Variants in NCAN observed in about 807,000 individuals in gnomAD.
NCAN encodes the protein neurocan core protein.
In NCAN, 47 loss-of-function variants were observed where a neutral mutation model predicts 121.8. The ratio of observed to expected loss-of-function variants is 0.39; its 90% CI spans 0.31 to 0.49. The LOEUF (loss-of-function observed/expected upper bound fraction) is 0.49. Ranked by LOEUF, NCAN falls within the 20% of genes least tolerant of loss-of-function variation. The probability of loss-of-function intolerance (pLI) is 0.92; values close to 1 mark genes in which losing one functional copy is unlikely to be tolerated. For missense variants in NCAN, 1,517 were observed against 1,773.4 expected (o/e 0.86, Z 2.60); for synonymous variants, 633 against 702.0 (o/e 0.90, Z 1.55).
At chr19:19,213,556 C>T (rs953197231) in intron 1 of NCAN, among the ~76,000 whole-genome samples, 2 of 150,552 alleles carry the variant, frequency 1.3e-5, no homozygotes, top group Non-Finnish European at 3.0e-5. Context: ...GCAGAAGACA[C>T]GCCGCCTGTC....
rs183068740 is a variant in NCAN at position 19,222,204 on chromosome 19, A to G, written c.476-1817A>G. 2.0e-5 allele frequency among the ~76,000 whole-genome samples: 3 copies of G among 152,244 alleles called. No homozygotes were observed. In the East Asian group the frequency reaches 5.8e-4, roughly 29 times the overall value. On this transcript the variant is annotated intron_variant, in intron 3 of 14. Transcript: ENST00000252575. ...AAATTGATAAAAGCTAACAACAACA[A>G]CAACAACAAACTGATTGGTGGTGAG...
rs538691030 is a variant in NCAN at position 19,215,648 on chromosome 19, C to T, written c.-7-1299C>T. Among the ~76,000 whole-genome samples the T allele has an allele frequency of 1.5e-3, 229 of 152,252 alleles. 1 individual carries two copies. The highest frequency in any genetic ancestry group is 1.8e-3 in the Non-Finnish European group (123 of 68,010). On this transcript the variant is annotated intron_variant, in intron 1 of 14. Coordinates refer to ENST00000252575, the MANE Select transcript of NCAN (RefSeq NM_004386.3). ...GCCCCTTCCTCCAGCTGGGAGTTGGCGGCTCCTCCAAAATCCCAGAAACCA... is the reference window on the plus strand; with the variant it reads ...GCCCCTTCCTCCAGCTGGGAGTTGGTGGCTCCTCCAAAATCCCAGAAACCA...
chr19:19,237,287 C>A (rs563974351), intron 10 of NCAN, among the ~76,000 whole-genome samples: 2 of 152,144 alleles, frequency 1.3e-5, no homozygotes, highest in East Asian at 3.9e-4. Context: ...GTCAGGAGAT[C>A]AAGACCATCC....
chr19:19,214,965 T>C (rs1488131650), intron 1 of NCAN, among the ~76,000 whole-genome samples: 1 of 151,960 alleles, frequency 6.6e-6, no homozygotes, highest in Non-Finnish European at 1.5e-5. Flanking sequence ...GGTTTACAAG[T>C]TGGTAGTTGG....
At position 19,228,463 on chromosome 19, in the gene NCAN, A is replaced by G; in HGVS notation, c.2843A>G (p.Glu948Gly). 6.2e-7 allele frequency: 1 copy of G among 1,613,472 alleles called. No individual in the cohort carries two copies. The highest frequency in any genetic ancestry group is 8.5e-7 in the Non-Finnish European group (1 of 1,179,994). ...GAGTCTGCCTCAGTTTCCTCAGGGG[A>G]GCCTACGGTACCGTGGGACCCCTCC... ...VGESASVSSGEPTVPWDPSST... is the reference protein window; with the variant it reads ...VGESASVSSGGPTVPWDPSST... The change falls in exon 8 of 15, where the codon GAG (glutamate) becomes GGG (glycine). Residue 948 changes from glutamate (E) to glycine (G), a missense_variant. Transcript: ENST00000252575.
At chr19:19,223,300 G>A (rs1440833426) in intron 3 of NCAN, among the ~76,000 whole-genome samples, 1 of 152,202 alleles carries the variant, frequency 6.6e-6, no homozygotes, top group East Asian at 1.9e-4. Flanking sequence ...CATGAAGAGT[G>A]CTATCTTTGG....
intron 10 of NCAN, among the ~76,000 whole-genome samples, chr19:19,238,041 C>CA (rs1215432970): frequency 2.3e-3 from 327 of 140,472 alleles, no homozygotes; most frequent in African/African-American, 7.6e-3. Context: ...AGACCCTGTC[C>CA]AAAAAAAAAA....
intron 3 of NCAN, 36 bp downstream of exon 3, chr19:19,219,352 G>A: frequency 2.1e-6 from 3 of 1,462,850 alleles, no homozygotes; most frequent in Non-Finnish European, 2.7e-6. Context: ...GGGGGCCGGG[G>A]AGAGGGAGGG....
Position 19,250,053 on chromosome 19 carries a change from T to C in NCAN, c.*142T>C. On this transcript the variant is annotated 3_prime_UTR_variant, in exon 15 of 15. Coordinates refer to ENST00000252575, the MANE Select transcript of NCAN (RefSeq NM_004386.3). ...CATCCCCCACACACATAATCCTTTG[T>C]ACAAAGCTCCTCTTTTCCCTTTTTT... 4 of 907,198 alleles carry C rather than the reference T, an allele frequency of 4.4e-6. No individual in the cohort carries two copies. The highest frequency in any genetic ancestry group is 7.1e-6 in the Non-Finnish European group (4 of 565,564). 56.2% of individuals were successfully genotyped at this position (907,198 alleles called of 1,614,324 possible).
chr19:19,245,297 C>T lies in NCAN; in HGVS notation c.3493-16C>T, dbSNP rs931506678. 3.2e-5 allele frequency: 51 copies of T among 1,612,912 alleles called. 1 individual carries two copies. The highest frequency in any genetic ancestry group is 4.2e-5 in the Non-Finnish European group (49 of 1,179,372). ...CAGAGGTCCCCTGAACAACTCCCTG[C>T]CCCCTATTCCTGCAGCAATTTGAGA... On this transcript the variant is annotated splice_polypyrimidine_tract_variant and intron_variant, in intron 12 of 14. Coordinates refer to ENST00000252575, the MANE Select transcript of NCAN (RefSeq NM_004386.3).
rs376145430 is a variant in NCAN at position 19,238,363 on chromosome 19, G to A, written c.3361G>A (p.Gly1121Ser). ...DAEKDCRRRS[G>S]HLTSVHSPEE... ...CGAGAAGGACTGCCGCCGCCGCTCC[G>A]GCCACCTGACCAGCGTCCACTCACC... The change falls in exon 11 of 15, where the codon GGC becomes AGC. Residue 1121 changes from glycine (G) to serine (S), a missense_variant. Coordinates refer to ENST00000252575, the MANE Select transcript of NCAN (RefSeq NM_004386.3). 43 of 1,614,178 alleles carry A rather than the reference G, an allele frequency of 2.7e-5. No individual in the cohort carries two copies. The highest frequency in any genetic ancestry group is 5.0e-5 in the Admixed American group (3 of 60,018).
rs574691719 is a variant in NCAN, at chr19:19,236,452, TAAG to T, written c.3250+1357_3250+1359del. Among the ~76,000 whole-genome samples, 454 of 152,330 alleles carry T rather than the reference TAAG, an allele frequency of 3.0e-3. 1 individual carries two copies. Among genetic ancestry groups the T allele is most frequent in the Middle Eastern group, 0.024 (7 of 292 alleles). On this transcript the variant is annotated intron_variant, in intron 10 of 14. Coordinates refer to ENST00000252575, the MANE Select transcript of NCAN (RefSeq NM_004386.3). ...TATTTGGGTTGTTTCCTCCAGAGGC[TAAG>T]GTCAATAGTGCTGCTGTGAATATAT...
At chr19:19,242,956 G>A (rs1053846516) in intron 12 of NCAN, among the ~76,000 whole-genome samples, 4 of 151,910 alleles carry the variant, frequency 2.6e-5, no homozygotes, top group South Asian at 2.1e-4. Context: ...GCAACATGGC[G>A]AAACCCCATC....
intron 14 of NCAN, 150 bp downstream of exon 14, chr19:19,249,032 A>T: frequency 2.8e-6 from 2 of 725,824 alleles, no homozygotes; most frequent in Non-Finnish European, 4.5e-6. Flanking sequence ...AGCCTGTCTG[A>T]TGTTTCCTTC....
In NCAN at chr19:19,226,892, G is replaced by C; in HGVS notation, c.1479G>C (p.Gln493His). 6.2e-7 allele frequency: 1 copy of C among 1,609,866 alleles called. No individual in the cohort carries two copies. The highest frequency in any genetic ancestry group is 8.5e-7 in the Non-Finnish European group (1 of 1,177,784). The change falls in exon 7 of 15, where the codon CAG becomes CAC. Residue 493 changes from glutamine (Q) to histidine (H), a missense_variant. By Grantham distance (24) the Gln-to-His change is conservative. Transcript: ENST00000252575. ...FKGLNGRYFQ[Q>H]QEPEPGLQGG... The stretch of plus-strand genomic sequence containing the variant: ...GGTTGAATGGGCGCTACTTCCAGCA[G>C]CAGGAACCGGAGCCGGGGCTGCAAG...
At chr19:19,248,158 A>G (rs1445920012) in intron 13 of NCAN, among the ~76,000 whole-genome samples, 3 of 151,786 alleles carry the variant, frequency 2.0e-5, no homozygotes, top group South Asian at 4.2e-4. Context: ...AAAAACAACA[A>G]TAAGAGCCAG....
rs6511025 is a variant in NCAN at position 19,250,452 on chromosome 19, C to T, written c.*541C>T. ...CCCTGGACTTCAGCCCAAGTTCCGT[C>T]TTTGGTCTTGGTGGATAAACACACA... On this transcript the variant is annotated 3_prime_UTR_variant, in exon 15 of 15. Transcript: ENST00000252575. The T allele has an allele frequency of 4.0e-3, 1,242 of 313,904 alleles. 18 individuals carry two copies. The highest frequency in any genetic ancestry group is 0.024 in the African/African-American group (1,121 of 46,116). 19.4% of individuals were successfully genotyped at this position (313,904 alleles called of 1,614,324 possible).
Position 19,225,134 on chromosome 19 carries a change from C to T in NCAN, c.936C>T (p.Gly312=). The T allele has an allele frequency of 6.5e-7, 1 of 1,530,870 alleles. No homozygotes were observed. Among genetic ancestry groups the T allele is most frequent in the South Asian group, 1.2e-5 (1 of 83,756 alleles). 94.8% of individuals were successfully genotyped at this position (1,530,870 alleles called of 1,614,324 possible). ...DQCDPGWLAD[G]SVRYPIQTPR... ...GCGACCCGGGCTGGCTGGCCGACGG[C>T]AGCGTGCGCTACCCGATCCAGACGC... Residue 312 remains glycine (G), a synonymous_variant, in exon 6 of 15, where the codon GGC becomes GGT. Transcript: ENST00000252575. This position sits in a 1 kb window ranked among gnomAD's most constrained non-coding sequence, Gnocchi z 4.0.
intron 10 of NCAN, among the ~76,000 whole-genome samples, chr19:19,236,760 C>G (rs986861532): frequency 6.7e-6 from 1 of 149,988 alleles, no homozygotes; most frequent in Non-Finnish European, 1.5e-5. Context: ...CAGGTTCTCA[C>G]TCTGTGCCCA....
Sources: gnomAD v4.1 joint callset for allele counts (sites outside exome capture counted in the v4.1 genomes callset) on GRCh38, gnomAD v4.1.1 for gene constraint, Gnocchi (gnomAD v3.1) non-coding constraint, MANE v1.5 for transcripts, NCBI Gene and HGNC (gene_info 2026-07-23, HGNC 2026-07-21) for gene names.